Variants in TDRD9 observed in about 807,000 individuals in gnomAD.
The protein encoded by TDRD9 is tudor domain containing 9, also known as ATP-dependent RNA helicase TDRD9.
TDRD9 carries 124 observed loss-of-function variants against 172.6 expected under a neutral mutation model. The ratio of observed to expected loss-of-function variants is 0.72; its 90% confidence interval spans 0.62 to 0.83. The LOEUF is 0.83. Among genes scored for constraint, TDRD9 ranks in the 40% least tolerant of loss-of-function variants. The probability of loss-of-function intolerance (pLI) is 0.00; values close to 1 mark genes in which losing one functional copy is unlikely to be tolerated. For synonymous variants in TDRD9, 619 were observed against 617.1 expected, an observed-to-expected ratio of 1.00 and a Z score of -0.05; for missense variants, 1,479 against 1,714.1, an observed-to-expected ratio of 0.86 and a Z score of 2.42.
At chr14:104,044,203 G>C (rs540492237) in intron 34 of TDRD9, among the ~76,000 whole-genome samples, 1 of 152,126 alleles carries the variant, frequency 6.6e-6, no homozygotes, top group East Asian at 1.9e-4. Context: ...GTAAAGGTTC[G>C]TTCCAGCCAG....
At chr14:103,937,021 G>A (rs575418054) in intron 1 of TDRD9, among the ~76,000 whole-genome samples, 91 of 152,306 alleles carry the variant, frequency 6.0e-4, no homozygotes, top group East Asian at 1.7e-3. Flanking sequence ...GAAGCCAGGA[G>A]TTCAAGGCTG....
chr14:103,940,784 A>C (rs2152119539), intron 1 of TDRD9: 1 of 1,501,342 alleles, frequency 6.7e-7, no homozygotes, highest in Middle Eastern at 1.7e-4. Context: ...TGTTCATAAA[A>C]ACCCCTCTAG....
chr14:103,939,160 GTGT>G (rs2031008704), intron 1 of TDRD9, among the ~76,000 whole-genome samples: 1 of 152,162 alleles, frequency 6.6e-6, no homozygotes, highest in African/African-American at 2.4e-5. Flanking sequence ...AAGTGGTATG[GTGT>G]TGTCCAGTGG....
intron 2 of TDRD9, among the ~76,000 whole-genome samples, chr14:103,956,035 A>T (rs933316739): frequency 4.7e-5 from 6 of 128,400 alleles, no homozygotes; most frequent in Non-Finnish European, 7.9e-5. Flanking sequence ...ACTTGAGGCT[A>T]GGAGTTCAGG....
At chr14:104,012,906 T>A (rs1428011170) in intron 20 of TDRD9, among the ~76,000 whole-genome samples, 2 of 152,220 alleles carry the variant, frequency 1.3e-5, no homozygotes, top group African/African-American at 4.8e-5. Flanking sequence ...GAAATGTTTT[T>A]AAATATCTTT....
intron 8 of TDRD9, 47 bp downstream of exon 8, chr14:103,986,367 T>TA: frequency 7.4e-7 from 1 of 1,347,548 alleles, no homozygotes; most frequent in Non-Finnish European, 1.0e-6. Flanking sequence ...ATATGTGATT[T>TA]AAAAAATTAT....
rs79425271 is a variant in TDRD9, at chr14:104,042,884, C to A, written c.3974+697C>A. Reference sequence around the variant, plus strand: ...TCTGGTATCACGGTGACACTTCTCTCCTTCCTATGCCTTTTGGGTTGGTTT... The same window carrying A: ...TCTGGTATCACGGTGACACTTCTCTACTTCCTATGCCTTTTGGGTTGGTTT... On this transcript the variant is annotated intron_variant, in intron 34 of 35. Coordinates refer to ENST00000409874, the MANE Select transcript of TDRD9 (RefSeq NM_153046.3). Among the ~76,000 whole-genome samples the A allele has an allele frequency of 1.1e-4, 16 of 152,248 alleles. No individual in the cohort carries two copies. In the East Asian group the frequency reaches 2.1e-3, roughly 20 times the overall value.
At chr14:104,035,670 G>A (rs2035430037) in intron 32 of TDRD9, among the ~76,000 whole-genome samples, 1 of 152,226 alleles carries the variant, frequency 6.6e-6, no homozygotes, top group African/African-American at 2.4e-5. Flanking sequence ...ACTAACATAG[G>A]TTTTAGTGGA....
intron 1 of TDRD9, chr14:103,941,350 TTGG>T (rs1228023751): frequency 7.3e-7 from 1 of 1,373,744 alleles, no homozygotes; most frequent in Non-Finnish European, 9.8e-7. Context: ...TATGAGGAAC[TTGG>T]ACTTAGCAGT....
rs552615451 is a variant in TDRD9 at position 104,005,165 on chromosome 14, C to G, written c.1582-109C>G. ...TCAATCCTCTCCATTTTTCTTTCTT[C>G]TCTCCTCTCCTTCTCTCCTCCTCTT... On this transcript the variant is annotated intron_variant, in intron 14 of 35. Transcript: ENST00000409874. 6 of 1,099,616 alleles carry G rather than the reference C, an allele frequency of 5.5e-6. No homozygotes were observed. The Admixed American group carries it at 1.2e-4, about 22-fold the overall frequency. 68.1% of individuals were successfully genotyped at this position (1,099,616 alleles called of 1,614,324 possible).
At chr14:104,004,614 G>A (rs1022338951) in intron 14 of TDRD9, among the ~76,000 whole-genome samples, 3 of 152,060 alleles carry the variant, frequency 2.0e-5, no homozygotes, top group Admixed American at 6.6e-5. Context: ...TCCTGACCTC[G>A]TGATCCGCCC....
At chr14:104,041,048 G>A (rs2035597470) in intron 33 of TDRD9, among the ~76,000 whole-genome samples, 1 of 152,150 alleles carries the variant, frequency 6.6e-6, no homozygotes, top group African/African-American at 2.4e-5. Flanking sequence ...GTACTCAGTC[G>A]CCTTTCTTTC....
At chr14:103,928,853 C>T (rs968046450) in intron 1 of TDRD9, 129 bp downstream of exon 1, 24 of 291,874 alleles carry the variant, frequency 8.2e-5, no homozygotes, top group Non-Finnish European at 1.4e-4. Flanking sequence ...CCCTGACCGT[C>T]CAGGGCGAGT....
intron 32 of TDRD9, among the ~76,000 whole-genome samples, chr14:104,037,922 G>A (rs919245447): frequency 6.6e-6 from 1 of 152,194 alleles, no homozygotes; most frequent in Non-Finnish European, 1.5e-5. Context: ...GGATTCAGTG[G>A]CATCATCATT....
rs58128911 is a variant in TDRD9, at chr14:104,025,468, T to G, written c.2719-96T>G. 0.012 allele frequency: 10,911 copies of G among 902,966 alleles called. 614 individuals carry two copies. The Admixed American group carries it at 0.14, about 12-fold the overall frequency. The allele number at this position is 902,966 out of a possible 1,614,324, so 55.9% of individuals were successfully genotyped here. ...GAGGATTAACGCTGGTGAGGTGTCGTACAGCACAGGGTGTCAGCCCTATGA... is the reference window on the plus strand; with the variant it reads ...GAGGATTAACGCTGGTGAGGTGTCGGACAGCACAGGGTGTCAGCCCTATGA... On this transcript the variant is annotated intron_variant, in intron 25 of 35. Transcript: ENST00000409874.
chr14:103,973,526 G>A (rs1411785793), intron 6 of TDRD9, among the ~76,000 whole-genome samples: 1 of 152,228 alleles, frequency 6.6e-6, no homozygotes, highest in African/African-American at 2.4e-5. Flanking sequence ...TTGGGTGTCT[G>A]CTGACTTGCC....
chr14:103,955,641 C>T, intron 1 of TDRD9, 23 bp from the exon 2 acceptor site: 2 of 1,529,164 alleles, frequency 1.3e-6, no homozygotes, highest in Non-Finnish European at 1.8e-6. Flanking sequence ...AAATAGTATA[C>T]TAACTTTTAC....
intron 13 of TDRD9, among the ~76,000 whole-genome samples, chr14:104,001,967 A>T (rs2034274186): frequency 6.6e-6 from 1 of 151,790 alleles, no homozygotes; most frequent in African/African-American, 2.4e-5. Context: ...GTCATTTTAC[A>T]TTCCATGAGC....
At chr14:104,012,104 T>C (rs1025093802) in intron 20 of TDRD9, among the ~76,000 whole-genome samples, 3 of 152,234 alleles carry the variant, frequency 2.0e-5, no homozygotes, top group Non-Finnish European at 4.4e-5. Flanking sequence ...GCACTGGTTA[T>C]GTAGGCCTAG....
Sources: gnomAD v4.1 joint callset for allele counts (sites outside exome capture counted in the v4.1 genomes callset) on GRCh38, gnomAD v4.1.1 for gene constraint, MANE v1.5 for transcripts, NCBI Gene and HGNC (gene_info 2026-07-23, HGNC 2026-07-21) for gene names.